The following LRIF1 variants were observed in gnomAD, a reference collection of about 807,000 sequenced individuals.
The protein encoded by LRIF1 is ligand dependent nuclear receptor interacting factor 1, also known as ligand-dependent nuclear receptor-interacting factor 1.
In LRIF1, 32 loss-of-function variants were observed where a neutral mutation model predicts 52.7. The observed-to-expected ratio is 0.61, with a 90% CI of 0.46 to 0.82. The LOEUF (loss-of-function observed/expected upper bound fraction) is 0.82, where lower values mean the gene tolerates loss of function less well. LRIF1 is among the 40% of genes least tolerant of loss of function. The pLI, the probability that LRIF1 is intolerant of heterozygous loss-of-function variation, is 0.00. For synonymous variants in LRIF1, 323 were observed against 317.4 expected (o/e 1.02, Z -0.19); for missense variants, 887 against 892.0 (o/e 0.99, Z 0.07).
the LRIF1 span, among the ~76,000 whole-genome samples, chr1:110,882,481 A>G: frequency 6.6e-6 from 1 of 152,066 alleles, no homozygotes; most frequent in Non-Finnish European, 1.5e-5. Context: ...GTAGTTTTAT[A>G]GAAAGCAATA....
At chr1:110,945,797 A>T (rs1557835140), downstream of LRIF1, among the ~76,000 whole-genome samples, 1 of 152,184 alleles carries the variant, frequency 6.6e-6, no homozygotes, top group Non-Finnish European at 1.5e-5. Flanking sequence ...GGAAGTGATG[A>T]TTCATGAAAT....
At chr1:110,887,652 TATCTGTTCCCTATTACTGAGGCTAC>T in the LRIF1 span, among the ~76,000 whole-genome samples, 6 of 152,242 alleles carry the variant, frequency 3.9e-5, no homozygotes, top group Non-Finnish European at 8.8e-5. Flanking sequence ...AGTCTAGAGC[TATCTGTTCCCTATTACTGAGGCTAC>T]ATCCTTCTGT....
chr1:110,875,793 G>T, the LRIF1 span, among the ~76,000 whole-genome samples: 1 of 152,204 alleles, frequency 6.6e-6, no homozygotes, highest in Non-Finnish European at 1.5e-5. Flanking sequence ...CTGGAGGTTG[G>T]GTGGTCAGTT....
chr1:110,930,696 A>G, the LRIF1 span, among the ~76,000 whole-genome samples: 1 of 152,132 alleles, frequency 6.6e-6, no homozygotes, highest in Non-Finnish European at 1.5e-5. Flanking sequence ...TTTAGGGGGG[A>G]CAAAAACATT....
At position 110,951,298 on chromosome 1, in the gene LRIF1, T is replaced by C. The variant is rs1658462723; in HGVS notation, c.1586A>G (p.Gln529Arg). The change falls in exon 2 of 4, where the codon CAA becomes CGA. Residue 529 changes from glutamine (Q) to arginine (R), a missense_variant. Coordinates refer to ENST00000369763, the MANE Select transcript of LRIF1 (RefSeq NM_018372.4). ...VTSQQCVFRDQEPKIHNEMAS... is the reference protein window; with the variant it reads ...VTSQQCVFRDREPKIHNEMAS... ...ACATGGGAAAATTACCTTTGGTTCT[T>C]GGTCTCTGAAAACACACTGTTGTGA... The C allele has an allele frequency of 5.0e-6, 8 of 1,609,260 alleles. No individual in the cohort carries two copies. Among genetic ancestry groups the C allele is most frequent in the African/African-American group, 2.7e-5 (2 of 74,726 alleles).
the LRIF1 span, among the ~76,000 whole-genome samples, chr1:110,876,786 A>G: frequency 6.6e-6 from 1 of 152,168 alleles, no homozygotes; most frequent in East Asian, 1.9e-4. Context: ...AAAAATGACA[A>G]AATTCAGACT....
At chr1:110,930,361 A>T in the LRIF1 span, among the ~76,000 whole-genome samples, 2 of 152,196 alleles carry the variant, frequency 1.3e-5, no homozygotes, top group African/African-American at 4.8e-5. Flanking sequence ...GATGGTTTAA[A>T]CAACAGAAAT....
At chr1:110,955,451 T>G (rs952926894) in intron 1 of LRIF1, among the ~76,000 whole-genome samples, 1 of 152,212 alleles carries the variant, frequency 6.6e-6, no homozygotes, top group Non-Finnish European at 1.5e-5. Context: ...TTTCCCTGCT[T>G]AAAACATTGC....
intron 1 of LRIF1, 44 bp downstream of exon 1, chr1:110,963,577 G>C (rs768876937): frequency 1.3e-6 from 2 of 1,547,452 alleles, no homozygotes; most frequent in Non-Finnish European, 1.8e-6. Flanking sequence ...TCCCTAAGAC[G>C]GACAGAGGGG....
At chr1:110,927,530 T>C in the LRIF1 span, among the ~76,000 whole-genome samples, 1 of 152,140 alleles carries the variant, frequency 6.6e-6, no homozygotes, top group Non-Finnish European at 1.5e-5. Flanking sequence ...CAGAAGTCTT[T>C]GTTACAGAGC....
the LRIF1 span, among the ~76,000 whole-genome samples, chr1:110,896,244 T>C: frequency 6.6e-6 from 1 of 152,200 alleles, no homozygotes; most frequent in Non-Finnish European, 1.5e-5. Context: ...AAGTTTGATG[T>C]GGTTTTTGTT....
In LRIF1 at chr1:110,963,648, TCTG is replaced by T; in HGVS notation, c.38_40del (p.Ala13del). 3 of 1,610,466 alleles carry T rather than the reference TCTG, an allele frequency of 1.9e-6. No homozygotes were observed. Among genetic ancestry groups the T allele is most frequent in the East Asian group, 4.5e-5 (2 of 44,832 alleles). On this transcript the variant is annotated inframe_deletion, in exon 1 of 4. Coordinates refer to ENST00000369763, the MANE Select transcript of LRIF1 (RefSeq NM_018372.4). ...ACGCGAGGCGTTGCCTGAATTTTCC[TCTG>T]CGGGTTTCAGGAAGACCCTCCGTAG...
At chr1:110,932,390 G>T in the LRIF1 span, among the ~76,000 whole-genome samples, 2 of 152,126 alleles carry the variant, frequency 1.3e-5, no homozygotes, top group African/African-American at 4.8e-5. Context: ...CTGTAACCTT[G>T]TAGTATAGTT....
intron 1 of LRIF1, among the ~76,000 whole-genome samples, chr1:110,959,607 G>A (rs370309595): frequency 3.1e-4 from 47 of 151,610 alleles, no homozygotes; most frequent in African/African-American, 9.4e-4. Flanking sequence ...AAAATTAGCC[G>A]GGCGTGGTGG....
the LRIF1 span, chr1:110,942,016 A>T: frequency 6.6e-6 from 1 of 151,968 alleles, no homozygotes; most frequent in Non-Finnish European, 1.5e-5. Flanking sequence ...TTGACAGTCC[A>T]TCTTGGAAAT....
At chr1:110,935,904 T>A in the LRIF1 span, among the ~76,000 whole-genome samples, 2 of 151,302 alleles carry the variant, frequency 1.3e-5, no homozygotes, top group East Asian at 3.9e-4. Context: ...CATTTAATAA[T>A]CAAACTCCCA....
At chr1:110,886,291 T>TATCA in the LRIF1 span, among the ~76,000 whole-genome samples, 6 of 152,344 alleles carry the variant, frequency 3.9e-5, no homozygotes, top group East Asian at 1.2e-3. Context: ...ATTTTCTTTT[T>TATCA]ATCACTGTTC....
chr1:110,946,651 C>CTTTTT (rs1197301792), downstream of LRIF1, among the ~76,000 whole-genome samples: 15 of 80,870 alleles, frequency 1.9e-4, no homozygotes, highest in South Asian at 4.3e-4. Flanking sequence ...AGATTTGATC[C>CTTTTT]TTTTTTTTTT....
chr1:110,881,448 T>C, the LRIF1 span, among the ~76,000 whole-genome samples: 2 of 152,244 alleles, frequency 1.3e-5, no homozygotes, highest in Non-Finnish European at 2.9e-5. Flanking sequence ...TTCTTTTTAA[T>C]TGCTAAGTAG....
Sources: gnomAD v4.1 joint callset for allele counts (sites outside exome capture counted in the v4.1 genomes callset) on GRCh38, gnomAD v4.1.1 for gene constraint, MANE v1.5 for transcripts, NCBI Gene and HGNC (gene_info 2026-07-23, HGNC 2026-07-21) for gene names.